LIG1: variants seen among roughly 807,000 people sequenced by gnomAD.
The protein encoded by LIG1 is ligase I, DNA, ATP-dependent.
A neutral mutation model predicts 115.7 loss-of-function variants in LIG1; 70 were observed. The observed-to-expected ratio is 0.60, with a 90% confidence interval of 0.50 to 0.74. LIG1 has a LOEUF of 0.74. Among genes scored for constraint, LIG1 ranks in the 30% least tolerant of loss-of-function variants. The probability of loss-of-function intolerance (pLI) is 0.00; values close to 1 mark genes in which losing one functional copy is unlikely to be tolerated. For synonymous variants in LIG1, 487 were observed against 495.3 expected (o/e 0.98, Z 0.22); for missense variants, 1,115 against 1,225.6 (o/e 0.91, Z 1.35).
intron 18 of LIG1, among the ~76,000 whole-genome samples, chr19:48,131,579 C>A (rs1169753961): frequency 6.6e-6 from 1 of 152,230 alleles, no homozygotes; most frequent in Non-Finnish European, 1.5e-5. Context: ...CCGCCTCAGC[C>A]TCCCAAGGAG....
intron 9 of LIG1, among the ~76,000 whole-genome samples, chr19:48,147,886 T>C (rs988154722): frequency 1.3e-5 from 2 of 152,002 alleles, no homozygotes; most frequent in African/African-American, 4.8e-5. Context: ...CTGGGCTTCC[T>C]AGGGGCCAGC....
intron 11 of LIG1, among the ~76,000 whole-genome samples, chr19:48,142,756 A>C (rs1475219430): frequency 6.6e-6 from 1 of 151,904 alleles, no homozygotes; most frequent in Non-Finnish European, 1.5e-5. Context: ...TGATTCTCGT[A>C]CCTCAGCCTC....
chr19:48,122,810 G>A lies in LIG1; in HGVS notation c.2232+124C>T, dbSNP rs2033384438. 3 of 881,264 alleles carry A rather than the reference G, an allele frequency of 3.4e-6. No homozygotes were observed. Among genetic ancestry groups the A allele is most frequent in the Middle Eastern group, 4.7e-4 (2 of 4,234 alleles). 54.6% of individuals were successfully genotyped at this position (881,264 alleles called of 1,614,324 possible). ...CTCAGTTGCAGCAGGGGGCTGGGGT[G>A]GGATTGTGAAAAGGGGCCCTGAGCT... On this transcript the variant is annotated intron_variant, in intron 23 of 27. Coordinates refer to ENST00000263274, the MANE Select transcript of LIG1 (RefSeq NM_000234.3). This position sits in a 1 kb window ranked among gnomAD's most constrained non-coding sequence, Gnocchi z 4.3.
In LIG1 at chr19:48,143,883, T is replaced by G. The variant is rs755631649; in HGVS notation, c.857A>C (p.Lys286Thr). ...CAGTCTGAAAAGGGAGAAACCTCAC[T>G]TCTGGCCCGGTTTCCAGCAGGCATC... Reference protein sequence around the residue: ...VEDACWKPGQKVPYLAVARTF... With the variant: ...VEDACWKPGQTVPYLAVARTF... Residue 286 changes from lysine to threonine, a missense_variant and splice_region_variant, in exon 10 of 28, where the codon AAG (lysine) becomes ACG (threonine). Coordinates refer to ENST00000263274, the MANE Select transcript of LIG1 (RefSeq NM_000234.3). 4 of 1,612,412 alleles carry G rather than the reference T, an allele frequency of 2.5e-6. No homozygotes were observed. In the South Asian group the frequency reaches 4.4e-5, roughly 18 times the overall value.
chr19:48,144,702 C>T (rs1434487896), intron 9 of LIG1, among the ~76,000 whole-genome samples: 2 of 152,136 alleles, frequency 1.3e-5, no homozygotes, highest in Non-Finnish European at 2.9e-5. Flanking sequence ...CGAGGTTTCA[C>T]CATGTTCGCT....
chr19:48,169,991 G>A, intron 1 of LIG1: 1 of 278,216 alleles, frequency 3.6e-6, no homozygotes, highest in South Asian at 2.5e-5. Context: ...CCTCTTCTCA[G>A]AGGACCTGTC....
At position 48,133,977 on chromosome 19, in the gene LIG1, G is replaced by A. The variant is rs1366147798; in HGVS notation, c.1609+4C>T. ...AGGCTGGTGAGCGCCCCTGGGGCCTGTACCTGGGCTCAGCTTGCAGTGCTC... is the reference window on the plus strand; with the variant it reads ...AGGCTGGTGAGCGCCCCTGGGGCCTATACCTGGGCTCAGCTTGCAGTGCTC... On this transcript the variant is annotated splice_donor_region_variant and intron_variant, in intron 17 of 27. Coordinates refer to ENST00000263274, the MANE Select transcript of LIG1 (RefSeq NM_000234.3). 1 of 1,552,702 alleles carries A rather than the reference G, an allele frequency of 6.4e-7. No homozygotes were observed. Among genetic ancestry groups the A allele is most frequent in the Non-Finnish European group, 8.7e-7 (1 of 1,147,444 alleles).
At chr19:48,159,441 T>A (rs555018757) in intron 4 of LIG1, among the ~76,000 whole-genome samples, 35 of 152,278 alleles carry the variant, frequency 2.3e-4, no homozygotes, top group Non-Finnish European at 1.9e-4. Flanking sequence ...TCTTCCTAGC[T>A]CCCCAGAAGC....
rs200192992 is a variant in LIG1, at chr19:48,115,840, T to C, written c.2676+33A>G. 2.1e-5 allele frequency: 33 copies of C among 1,598,258 alleles called. 1 individual carries two copies. Among genetic ancestry groups the C allele is most frequent in the Middle Eastern group, 3.3e-4 (2 of 6,044 alleles). Reference sequence around the variant, plus strand: ...TAAAAAGCTGGTAGGGCCAAGCAGCTGGGCGGCCCACCCCTGCTTCCCAGG... The same window carrying C: ...TAAAAAGCTGGTAGGGCCAAGCAGCCGGGCGGCCCACCCCTGCTTCCCAGG... On this transcript the variant is annotated intron_variant, in intron 27 of 27. Coordinates refer to ENST00000263274, the MANE Select transcript of LIG1 (RefSeq NM_000234.3).
intron 1 of LIG1, among the ~76,000 whole-genome samples, chr19:48,166,037 G>C (rs547285992): frequency 1.0e-3 from 152 of 152,316 alleles, no homozygotes; most frequent in African/African-American, 3.5e-3. Context: ...CAGTTTCTAA[G>C]GTATGCTGTT....
intron 12 of LIG1, among the ~76,000 whole-genome samples, chr19:48,138,322 G>A (rs1002995147): frequency 1.3e-5 from 2 of 152,162 alleles, no homozygotes; most frequent in Admixed American, 1.3e-4. Context: ...GAAATAAAAT[G>A]TGGAGATAAC....
At chr19:48,151,514 C>G (rs1175079098) in intron 6 of LIG1, 175 bp from the exon 7 acceptor site, 13 of 537,500 alleles carry the variant, frequency 2.4e-5, no homozygotes, top group Non-Finnish European at 4.1e-5. Flanking sequence ...ACTGCAACCT[C>G]TGCCTCCTGG....
In LIG1 at chr19:48,117,616, G is replaced by A. The variant is rs373097712; in HGVS notation, c.2583+22C>T. 246 of 1,610,390 alleles carry A rather than the reference G, an allele frequency of 1.5e-4. 3 individuals are homozygous for A. In the South Asian group the frequency reaches 2.0e-3, roughly 13 times the overall value. Reference sequence around the variant, plus strand: ...CGCCCAGAATCCCACACAGGGCCACGGCCAGGTCCTCTGCCACTCACCAGG... The same window carrying A: ...CGCCCAGAATCCCACACAGGGCCACAGCCAGGTCCTCTGCCACTCACCAGG... On this transcript the variant is annotated intron_variant, in intron 26 of 27. Transcript: ENST00000263274.
intron 26 of LIG1, chr19:48,116,303 A>G (rs251691): frequency 0.6 from 176,161 of 292,390 alleles, 55,830 homozygotes; most frequent in East Asian, 0.88. Flanking sequence ...GAAATTAGCC[A>G]GGTGTGGTGG....
Position 48,153,895 on chromosome 19 carries a change from G to C in LIG1, c.443C>G (p.Ala148Gly). 1 of 1,602,554 alleles carries C rather than the reference G, an allele frequency of 6.2e-7. No homozygotes were observed. The highest frequency in any genetic ancestry group is 1.3e-5 in the African/African-American group (1 of 74,434). Residue 148 changes from alanine to glycine, a missense_variant, in exon 6 of 28, where the codon GCC becomes GGC. Physicochemically the swap from Ala to Gly is moderately conservative, Grantham distance 60. Transcript: ENST00000263274. ...ACCTTCCTCCTCCTTCTTCCTCTTG[G>C]CTTCTCTGTCCTCGTCCTCACTCTG... ...EEQSEDEDREAKRKKEEEEEE... is the reference protein window; with the variant it reads ...EEQSEDEDREGKRKKEEEEEE...
intron 5 of LIG1, chr19:48,154,565 C>T (rs966138875): frequency 5.7e-6 from 1 of 176,344 alleles, no homozygotes. Context: ...TGTCCTGAAT[C>T]ACCCTCTGTT....
chr19:48,127,202 C>CA, intron 21 of LIG1, 75 bp downstream of exon 21: 1 of 1,216,046 alleles, frequency 8.2e-7, no homozygotes, highest in South Asian at 1.2e-5. Context: ...AAATGGAAGT[C>CA]AGAGGGGCAG....
chr19:48,163,884 A>G (rs1003632286), intron 2 of LIG1, among the ~76,000 whole-genome samples: 1 of 149,962 alleles, frequency 6.7e-6, no homozygotes, highest in African/African-American at 2.5e-5. Context: ...GGCAGAGCTT[A>G]CAGTGAGCCA....
chr19:48,166,166 G>A (rs2036471489), intron 1 of LIG1, among the ~76,000 whole-genome samples: 1 of 152,234 alleles, frequency 6.6e-6, no homozygotes, highest in South Asian at 2.1e-4. Context: ...GGAGGCCGAG[G>A]TGGGTGGATC....
Sources: gnomAD v4.1 joint callset for allele counts (sites outside exome capture counted in the v4.1 genomes callset) on GRCh38, gnomAD v4.1.1 for gene constraint, Gnocchi (gnomAD v3.1) non-coding constraint, MANE v1.5 for transcripts, NCBI Gene and HGNC (gene_info 2026-07-23, HGNC 2026-07-21) for gene names.